TIGAR: variants seen among roughly 807,000 people sequenced by gnomAD.
TIGAR encodes the protein fructose-2,6-bisphosphatase TIGAR.
TIGAR carries 7 observed loss-of-function variants against 17.9 expected under a neutral mutation model. The observed-to-expected ratio is 0.39, with a 90% confidence interval of 0.22 to 0.73. TIGAR has a LOEUF of 0.73. Ranked by LOEUF, TIGAR falls within the 30% of genes least tolerant of loss-of-function variation. The probability of loss-of-function intolerance (pLI) is 0.42; values close to 1 mark genes in which losing one functional copy is unlikely to be tolerated. For synonymous variants in TIGAR, 94 were observed against 108.6 expected (o/e 0.87, Z 0.84); for missense variants, 258 against 327.4 (o/e 0.79, Z 1.64).
At chr12:4,344,601 A>G (rs1457059990) in intron 3 of TIGAR, among the ~76,000 whole-genome samples, 3 of 152,220 alleles carry the variant, frequency 2.0e-5, no homozygotes, top group African/African-American at 7.2e-5. Context: ...AATCCAGCAT[A>G]TAAACAGAAC....
chr12:4,343,888 A>G (rs1358201432), intron 3 of TIGAR, among the ~76,000 whole-genome samples: 1 of 152,246 alleles, frequency 6.6e-6, no homozygotes, highest in Non-Finnish European at 1.5e-5. Flanking sequence ...TCAGAGCAGA[A>G]CTGGAGGAGA....
intron 1 of TIGAR, among the ~76,000 whole-genome samples, chr12:4,329,619 G>A (rs1864583941): frequency 6.6e-6 from 1 of 152,124 alleles, no homozygotes; most frequent in Non-Finnish European, 1.5e-5. Context: ...TTACGGGCAT[G>A]AGCCACCACG....
rs548789525 is a variant in TIGAR, at chr12:4,333,346, A to G, written c.70+2029A>G. On this transcript the variant is annotated intron_variant, in intron 2 of 5. Coordinates refer to ENST00000179259, the MANE Select transcript of TIGAR (RefSeq NM_020375.3). ...GCTCTGTCACCCAGGGTGGAGTGCA[A>G]TGGCGCGATCTCAGCTCACTGCAAC... Among the ~76,000 whole-genome samples, 6 of 151,590 alleles carry G rather than the reference A, an allele frequency of 4.0e-5. No individual in the cohort carries two copies. In the South Asian group the frequency reaches 8.4e-4, roughly 21 times the overall value.
intron 3 of TIGAR, among the ~76,000 whole-genome samples, chr12:4,346,419 G>T (rs551300059): frequency 1.9e-4 from 29 of 152,294 alleles, no homozygotes; most frequent in African/African-American, 7.0e-4. Context: ...GGAATACTAT[G>T]CAGCCATAAA....
intron 3 of TIGAR, among the ~76,000 whole-genome samples, chr12:4,343,063 C>CA (rs1864742000): frequency 6.6e-6 from 1 of 151,600 alleles, no homozygotes; most frequent in South Asian, 2.1e-4. Flanking sequence ...AAATGGAAAA[C>CA]AAAAAAAGGC....
At chr12:4,351,502 A>G in intron 5 of TIGAR, 125 bp downstream of exon 5, 1 of 698,264 alleles carries the variant, frequency 1.4e-6, no homozygotes, top group Non-Finnish European at 2.4e-6. Context: ...TTATCTATTT[A>G]CTTAGCAAAT....
At chr12:4,333,385 G>A (rs1280992122) in intron 2 of TIGAR, among the ~76,000 whole-genome samples, 2 of 151,768 alleles carry the variant, frequency 1.3e-5, no homozygotes, top group African/African-American at 4.8e-5. Flanking sequence ...TGCCTCCCGG[G>A]TTCAAGCAAT....
intron 4 of TIGAR, among the ~76,000 whole-genome samples, chr12:4,350,317 G>A (rs1202353941): frequency 6.6e-6 from 1 of 152,172 alleles, no homozygotes; most frequent in African/African-American, 2.4e-5. Flanking sequence ...GGACATCGGC[G>A]AGTGTGTACT....
In TIGAR at chr12:4,357,702, GT is replaced by G. The variant is rs1241552683; in HGVS notation, c.*5012del. Among the ~76,000 whole-genome samples, 1 of 152,144 alleles carries G rather than the reference GT, an allele frequency of 6.6e-6. No individual in the cohort carries two copies. Among genetic ancestry groups the G allele is most frequent in the Non-Finnish European group, 1.5e-5 (1 of 68,026 alleles). On this transcript the variant is annotated 3_prime_UTR_variant, in exon 6 of 6. Transcript: ENST00000179259. ...TTGTTCAGCAATATGGCCTAAGGGG[GT>G]GATTTCTTCATTGATAAGTGACAGG...
At chr12:4,325,229 A>C (rs1864531672) in intron 1 of TIGAR, among the ~76,000 whole-genome samples, 1 of 151,638 alleles carries the variant, frequency 6.6e-6, no homozygotes, top group Non-Finnish European at 1.5e-5. Context: ...GGCGTGAGCC[A>C]CCCCACCTGG....
rs12422543 is a variant in TIGAR at position 4,355,264 on chromosome 12, T to C, written c.*2573T>C. On this transcript the variant is annotated 3_prime_UTR_variant, in exon 6 of 6. Coordinates refer to ENST00000179259, the MANE Select transcript of TIGAR (RefSeq NM_020375.3). ...TTTTTTTTTCATGTGGTTGAAACAGTTATCCCAACACCATTGTAAAGGCTG... is the reference window on the plus strand; with the variant it reads ...TTTTTTTTTCATGTGGTTGAAACAGCTATCCCAACACCATTGTAAAGGCTG... Among the ~76,000 whole-genome samples the C allele has an allele frequency of 0.31, 47,608 of 151,984 alleles. 7,657 individuals carry two copies. The highest frequency in any genetic ancestry group is 0.4 in the South Asian group (1,924 of 4,810).
intron 2 of TIGAR, among the ~76,000 whole-genome samples, chr12:4,333,340 AG>A (rs1288010402): frequency 6.7e-6 from 1 of 149,638 alleles, no homozygotes; most frequent in Admixed American, 6.7e-5. Flanking sequence ...CCCAGGGTGG[AG>A]TGCAATGGCG....
Position 4,352,776 on chromosome 12 carries a change from C to A in TIGAR, c.*85C>A. The stretch of plus-strand genomic sequence containing the variant: ...TATTTACTTCTCTCCTCTGCTAGTT[C>A]TGATTTGGAAACAGTTAAAAGCCAA... On this transcript the variant is annotated 3_prime_UTR_variant, in exon 6 of 6. Transcript: ENST00000179259. 2 of 1,389,020 alleles carry A rather than the reference C, an allele frequency of 1.4e-6. No homozygotes were observed. Among genetic ancestry groups the A allele is most frequent in the Non-Finnish European group, 1.9e-6 (2 of 1,040,224 alleles). 86.0% of individuals were successfully genotyped at this position (1,389,020 alleles called of 1,614,324 possible).
intron 1 of TIGAR, among the ~76,000 whole-genome samples, chr12:4,328,125 T>C (rs1156724687): frequency 6.6e-6 from 1 of 152,252 alleles, no homozygotes; most frequent in Non-Finnish European, 1.5e-5. Context: ...TTTATCCATC[T>C]GAATGGTAGA....
At chr12:4,337,207 C>T in intron 3 of TIGAR, 47 bp downstream of exon 3, 3 of 1,477,272 alleles carry the variant, frequency 2.0e-6, no homozygotes, top group African/African-American at 1.4e-5. Flanking sequence ...TCACTCTATG[C>T]CCAGGCTGGA....
At position 4,349,802 on chromosome 12, in the gene TIGAR, A is replaced by G. The variant is rs1864818206; in HGVS notation, c.193-17A>G. On this transcript the variant is annotated splice_polypyrimidine_tract_variant and intron_variant, in intron 3 of 5. Coordinates refer to ENST00000179259, the MANE Select transcript of TIGAR (RefSeq NM_020375.3). ...GATTATTTTTATAAAGAAAGAAACA[A>G]TTGTCTTGATTTTCAGACCATGCAT... 5 of 1,555,278 alleles carry G rather than the reference A, an allele frequency of 3.2e-6. No individual in the cohort carries two copies. Among genetic ancestry groups the G allele is most frequent in the African/African-American group, 1.4e-5 (1 of 72,174 alleles).
Position 4,349,825 on chromosome 12 carries a change from C to A in TIGAR, c.199C>A (p.His67Asn). 6.3e-7 allele frequency: 1 copy of A among 1,581,198 alleles called. No homozygotes were observed. Residue 67 changes from histidine to asparagine, a missense_variant, in exon 4 of 6, where the codon CAT becomes AAT. Coordinates refer to ENST00000179259, the MANE Select transcript of TIGAR (RefSeq NM_020375.3). ...CAATTGTCTTGATTTTCAGACCATG[C>A]ATGGAATTTTGGAGAGAAGCAAATT... ...SDLMRTKQTM[H>N]GILERSKFCK...
At chr12:4,350,781 A>G (rs1864829819) in intron 4 of TIGAR, among the ~76,000 whole-genome samples, 1 of 151,924 alleles carries the variant, frequency 6.6e-6, no homozygotes. Context: ...CGTCTCAAAA[A>G]AAAAAAAAAG....
rs186377368 is a variant in TIGAR, at chr12:4,356,688, A to G, written c.*3997A>G. Among the ~76,000 whole-genome samples, 1 of 152,282 alleles carries G rather than the reference A, an allele frequency of 6.6e-6. No homozygotes were observed. Among genetic ancestry groups the G allele is most frequent in the East Asian group, 1.9e-4 (1 of 5,184 alleles). On this transcript the variant is annotated 3_prime_UTR_variant, in exon 6 of 6. Coordinates refer to ENST00000179259, the MANE Select transcript of TIGAR (RefSeq NM_020375.3). ...AAGACATGTATTCCACCATTATAGT[A>G]TCATGCAGAGTATTTTCACTGCCCT...
Sources: gnomAD v4.1 joint callset for allele counts (sites outside exome capture counted in the v4.1 genomes callset) on GRCh38, gnomAD v4.1.1 for gene constraint, MANE v1.5 for transcripts, NCBI Gene and HGNC (gene_info 2026-07-23, HGNC 2026-07-21) for gene names.